Variants in FNBP1 observed in about 807,000 individuals in gnomAD.
The protein encoded by FNBP1 is formin binding protein 1.
In FNBP1, 26 loss-of-function variants were observed where a neutral mutation model predicts 90.6. That is an observed-to-expected ratio of 0.29 (90% CI 0.21 to 0.40). The LOEUF (loss-of-function observed/expected upper bound fraction) is 0.40, where lower values mean the gene tolerates loss of function less well. Among genes scored for constraint, FNBP1 ranks in the 10% least tolerant of loss-of-function variants. The probability of loss-of-function intolerance (pLI) is 1.00; values close to 1 mark genes in which losing one functional copy is unlikely to be tolerated. For synonymous variants in FNBP1, 260 were observed against 265.2 expected (o/e 0.98, Z 0.19); for missense variants, 635 against 768.0 (o/e 0.83, Z 2.05).
intron 10 of FNBP1, among the ~76,000 whole-genome samples, chr9:129,917,851 T>C (rs571422777): frequency 1.3e-5 from 2 of 152,288 alleles, no homozygotes; most frequent in South Asian, 4.1e-4. Context: ...GCCTGTGAAC[T>C]TGAGCATAGA....
At chr9:130,007,137 G>T (rs1358650310) in intron 1 of FNBP1, among the ~76,000 whole-genome samples, 1 of 150,730 alleles carries the variant, frequency 6.6e-6, no homozygotes, top group Non-Finnish European at 1.5e-5. Flanking sequence ...AGCTACCCAG[G>T]AGGCTGAGGT....
chr9:129,982,576 A>T (rs964304300), intron 2 of FNBP1, among the ~76,000 whole-genome samples: 1 of 152,246 alleles, frequency 6.6e-6, no homozygotes, highest in Non-Finnish European at 1.5e-5. Flanking sequence ...AGCAGCACAT[A>T]TGGGTGATTA....
In FNBP1 at chr9:129,890,182, T is replaced by G; in HGVS notation, c.*357A>C. On this transcript the variant is annotated 3_prime_UTR_variant, in exon 17 of 17. Coordinates refer to ENST00000446176, the MANE Select transcript of FNBP1 (RefSeq NM_015033.3). The surrounding 1 kb of genome is among the most constrained non-coding windows in gnomAD (Gnocchi z 5.8). ...TGACACTTTCACAAAAGGCACTGTGTGAAGCGCGGAAGGGCTGCCAGGACG... is the reference window on the plus strand; with the variant it reads ...TGACACTTTCACAAAAGGCACTGTGGGAAGCGCGGAAGGGCTGCCAGGACG... 1 of 416,666 alleles carries G rather than the reference T, an allele frequency of 2.4e-6. No homozygotes were observed. The highest frequency in any genetic ancestry group is 4.2e-5 in the South Asian group (1 of 23,980). 25.8% of individuals were successfully genotyped at this position (416,666 alleles called of 1,614,324 possible).
chr9:129,909,422 G>A lies in FNBP1; in HGVS notation c.1186-423C>T, dbSNP rs751142151. ...ATACAAACCCCATCAACCACTGCAC[G>A]CCTAGCTGCTGCCTTTTCCCTAGCG... On this transcript the variant is annotated intron_variant, in intron 11 of 16. Coordinates refer to ENST00000446176, the MANE Select transcript of FNBP1 (RefSeq NM_015033.3). Among the ~76,000 whole-genome samples the A allele has an allele frequency of 8.6e-5, 13 of 152,018 alleles. No homozygotes were observed. In the South Asian group the frequency reaches 1.2e-3, roughly 15 times the overall value.
chr9:129,895,068 A>C (rs1016920881), intron 16 of FNBP1, among the ~76,000 whole-genome samples: 4 of 151,932 alleles, frequency 2.6e-5, no homozygotes, highest in African/African-American at 9.7e-5. Flanking sequence ...ACAACAACAA[A>C]AACACAAACA....
chr9:129,997,925 AT>A (rs1564534672), intron 1 of FNBP1, among the ~76,000 whole-genome samples: 1 of 152,010 alleles, frequency 6.6e-6, no homozygotes, highest in Non-Finnish European at 1.5e-5. Flanking sequence ...GGTGGCTCAC[AT>A]CCAAAATTCC....
At chr9:130,028,550 C>A (rs935868461) in intron 1 of FNBP1, among the ~76,000 whole-genome samples, 5 of 152,024 alleles carry the variant, frequency 3.3e-5, no homozygotes, top group African/African-American at 1.2e-4. Context: ...TACTTCTAAG[C>A]CTATCAGAAC....
At chr9:129,919,324 G>T in intron 10 of FNBP1, 4 of 637,358 alleles carry the variant, frequency 6.3e-6, no homozygotes, top group South Asian at 4.9e-5. Flanking sequence ...AACTGGTAAG[G>T]ATTTTCAAAA....
rs73672515 is a variant in FNBP1 at position 129,942,808 on chromosome 9, G to A, written c.514-13113C>T. ...GGAGTAGGTTCAATAGCATTTTATC[G>A]GGGTCACATTCATCCTGCCATTTGG... On this transcript the variant is annotated intron_variant, in intron 6 of 16. Transcript: ENST00000446176. Among the ~76,000 whole-genome samples, 1,001 of 151,074 alleles carry A rather than the reference G, an allele frequency of 6.6e-3. 7 individuals carry two copies. The highest frequency in any genetic ancestry group is 0.023 in the African/African-American group (950 of 41,066).
intron 10 of FNBP1, among the ~76,000 whole-genome samples, chr9:129,918,325 C>T (rs1316461045): frequency 6.6e-6 from 1 of 152,192 alleles, no homozygotes; most frequent in East Asian, 1.9e-4. Flanking sequence ...AGTTGTAAGC[C>T]AGCCAATTAG....
intron 11 of FNBP1, among the ~76,000 whole-genome samples, chr9:129,913,344 T>G (rs1205899085): frequency 6.6e-6 from 1 of 152,170 alleles, no homozygotes; most frequent in Non-Finnish European, 1.5e-5. Context: ...TACTGATAAC[T>G]TATAAATAGA....
intron 1 of FNBP1, among the ~76,000 whole-genome samples, chr9:130,000,771 C>T (rs1371472370): frequency 3.3e-5 from 5 of 152,098 alleles, no homozygotes; most frequent in African/African-American, 1.2e-4. Context: ...GTGACAGGCT[C>T]ACTTCATTTA....
chr9:129,969,044 C>T (rs1028107856), intron 4 of FNBP1, among the ~76,000 whole-genome samples: 11 of 152,200 alleles, frequency 7.2e-5, no homozygotes, highest in Non-Finnish European at 1.5e-4. Flanking sequence ...CACCAAACAA[C>T]CTCTAAAACT....
chr9:129,988,835 C>T (rs2131159823), intron 2 of FNBP1, among the ~76,000 whole-genome samples: 1 of 152,194 alleles, frequency 6.6e-6, no homozygotes, highest in East Asian at 1.9e-4. Context: ...TGGATTTGGC[C>T]CATGCTAAGA....
intron 6 of FNBP1, among the ~76,000 whole-genome samples, chr9:129,953,935 T>C (rs777857513): frequency 6.6e-6 from 1 of 151,890 alleles, no homozygotes; most frequent in Non-Finnish European, 1.5e-5. Context: ...CTGGGCACAG[T>C]GGTTCATGCC....
Position 129,914,131 on chromosome 9 carries a change from C to T in FNBP1, c.1185+1835G>A, listed in dbSNP as rs149835857. 6.4e-3 allele frequency among the ~76,000 whole-genome samples: 973 copies of T among 151,770 alleles called. 5 individuals are homozygous for T. The highest frequency in any genetic ancestry group is 0.011 in the East Asian group (54 of 5,140). ...CCCACCTCCCAAAGTGCAGAGATTA[C>T]AGGCGTGAGCCACCACACCTGGTCC... On this transcript the variant is annotated intron_variant, in intron 11 of 16. Coordinates refer to ENST00000446176, the MANE Select transcript of FNBP1 (RefSeq NM_015033.3).
intron 7 of FNBP1, among the ~76,000 whole-genome samples, chr9:129,928,906 C>T (rs1046781825): frequency 5.3e-5 from 8 of 151,960 alleles, no homozygotes; most frequent in African/African-American, 1.9e-4. Context: ...TCCTGGGCAA[C>T]ACAGCAAGAC....
At chr9:129,938,175 AAATT>A (rs973079203) in intron 6 of FNBP1, among the ~76,000 whole-genome samples, 6 of 151,956 alleles carry the variant, frequency 3.9e-5, no homozygotes, top group African/African-American at 1.5e-4. Flanking sequence ...AAAAATAAAT[AAATT>A]AATTAATTTT....
chr9:129,892,261 C>T (rs562323255), intron 16 of FNBP1, among the ~76,000 whole-genome samples: 5 of 151,842 alleles, frequency 3.3e-5, no homozygotes, highest in Non-Finnish European at 5.9e-5. Flanking sequence ...TAACAGAGAG[C>T]AATCGAAGAA....
Sources: gnomAD v4.1 joint callset for allele counts (sites outside exome capture counted in the v4.1 genomes callset) on GRCh38, gnomAD v4.1.1 for gene constraint, Gnocchi (gnomAD v3.1) non-coding constraint, MANE v1.5 for transcripts, NCBI Gene and HGNC (gene_info 2026-07-23, HGNC 2026-07-21) for gene names.